The following DAB2IP variants were observed in gnomAD, a reference collection of about 807,000 sequenced individuals.
DAB2IP encodes the protein disabled homolog 2-interacting protein.
In DAB2IP, 28 loss-of-function variants were observed where a neutral mutation model predicts 107.2. The observed-to-expected ratio is 0.26, with a 90% CI of 0.19 to 0.36. The LOEUF (loss-of-function observed/expected upper bound fraction) is 0.36. Ranked by LOEUF, DAB2IP falls within the 10% of genes least tolerant of loss-of-function variation. DAB2IP has a pLI of 1.00. For missense variants in DAB2IP, 1,400 were observed against 1,644.7 expected (o/e 0.85, Z 2.57); for synonymous variants, 755 against 706.4 (o/e 1.07, Z -1.09).
chr9:121,653,077 C>T (rs752249274), intron 1 of DAB2IP, among the ~76,000 whole-genome samples: 14 of 152,184 alleles, frequency 9.2e-5, no homozygotes, highest in East Asian at 7.7e-4. Context: ...AGCCTGCAAT[C>T]CCCCCACTCC....
intron 1 of DAB2IP, among the ~76,000 whole-genome samples, chr9:121,590,839 T>A (rs1488041355): frequency 3.9e-5 from 6 of 152,170 alleles, no homozygotes; most frequent in Non-Finnish European, 7.4e-5. Context: ...AAACCAGGCA[T>A]GATCCCTGTG....
rs183516596 is a variant in DAB2IP at position 121,725,078 on chromosome 9, C to A, written c.362+25620C>A. On this transcript the variant is annotated intron_variant, in intron 3 of 15. Coordinates refer to ENST00000408936, the Ensembl canonical transcript of DAB2IP. ...CAGGCTTCTTGTGCTGGCTTTGGTT[C>A]CTGGCACGATTTCTGTTTCCCAGAG... is the stretch of plus-strand genomic sequence containing the variant. Among the ~76,000 whole-genome samples the A allele has an allele frequency of 9.8e-5, 15 of 152,320 alleles. No individual in the cohort carries two copies. In the East Asian group the frequency reaches 1.7e-3, roughly 18 times the overall value.
chr9:121,616,938 A>G (rs1022617097), intron 1 of DAB2IP, among the ~76,000 whole-genome samples: 1 of 152,222 alleles, frequency 6.6e-6, no homozygotes. Context: ...AGGGCTGGCC[A>G]GGGCACCTGG....
intron 3 of DAB2IP, among the ~76,000 whole-genome samples, chr9:121,717,091 G>A (rs910223376): frequency 2.6e-5 from 4 of 152,202 alleles, no homozygotes; most frequent in African/African-American, 9.7e-5. Flanking sequence ...GGGCAGCCCC[G>A]GGGGAATCTT....
At chr9:121,758,127 T>A (rs912223127) in intron 4 of DAB2IP, among the ~76,000 whole-genome samples, 1 of 152,170 alleles carries the variant, frequency 6.6e-6, no homozygotes, top group Non-Finnish European at 1.5e-5. Flanking sequence ...CTGTGGAGGG[T>A]GCAGGCCCTC....
intron 1 of DAB2IP, among the ~76,000 whole-genome samples, chr9:121,600,120 G>A (rs1830643577): frequency 6.6e-6 from 1 of 152,048 alleles, no homozygotes; most frequent in Admixed American, 6.5e-5. Flanking sequence ...GGGGGTGGGG[G>A]GTGCCAGCCT....
In DAB2IP at chr9:121,725,982, AT is replaced by A. The variant is rs560244058; in HGVS notation, c.362+26527del. Among the ~76,000 whole-genome samples, 345 of 152,240 alleles carry A rather than the reference AT, an allele frequency of 2.3e-3. 2 individuals carry two copies. The highest frequency in any genetic ancestry group is 8.1e-3 in the African/African-American group (336 of 41,540). On this transcript the variant is annotated intron_variant, in intron 3 of 15. Coordinates refer to ENST00000408936, the Ensembl canonical transcript of DAB2IP. ...TGTGACACTGGGAAATATATACAGTATTTGGTTTCTTGGCACACGACTCCTG... is the reference window on the plus strand; with the variant it reads ...TGTGACACTGGGAAATATATACAGTATTGGTTTCTTGGCACACGACTCCTG...
intron 6 of DAB2IP, among the ~76,000 whole-genome samples, chr9:121,761,021 C>T (rs1346114241): frequency 4.6e-5 from 7 of 152,198 alleles, no homozygotes; most frequent in African/African-American, 1.4e-4. Context: ...GTCTGAGACC[C>T]ACCCAGGCAA....
chr9:121,619,606 A>T (rs2118991898), intron 1 of DAB2IP, among the ~76,000 whole-genome samples: 1 of 152,302 alleles, frequency 6.6e-6, no homozygotes, highest in Admixed American at 6.5e-5. Flanking sequence ...CTGAAAGAGG[A>T]GATGTTGGAA....
exon 12 of DAB2IP, chr9:121,773,347 T>C (rs776765033): frequency 8.4e-6 from 12 of 1,424,226 alleles, no homozygotes; most frequent in Non-Finnish European, 1.1e-5. Flanking sequence ...CCCAACCTGC[T>C]GAGCACCCTG....
chr9:121,602,637 G>A (rs1271954698), intron 1 of DAB2IP, among the ~76,000 whole-genome samples: 2 of 152,082 alleles, frequency 1.3e-5, no homozygotes, highest in Non-Finnish European at 2.9e-5. Flanking sequence ...GTGCAGTGGC[G>A]TGATCTCGGC....
chr9:121,681,032 C>G (rs1828571927), intron 2 of DAB2IP, among the ~76,000 whole-genome samples: 1 of 152,074 alleles, frequency 6.6e-6, no homozygotes, highest in African/African-American at 2.4e-5. Context: ...CATGAGCCAC[C>G]ACGCCCAGCC....
At chr9:121,675,860 G>A (rs1833881005) in intron 1 of DAB2IP, among the ~76,000 whole-genome samples, 1 of 152,210 alleles carries the variant, frequency 6.6e-6, no homozygotes, top group Non-Finnish European at 1.5e-5. Context: ...TGGGTGGTGC[G>A]AAGGGGTGAG....
At chr9:121,708,713 A>C (rs1310163474) in intron 3 of DAB2IP, among the ~76,000 whole-genome samples, 1 of 152,224 alleles carries the variant, frequency 6.6e-6, no homozygotes, top group Non-Finnish European at 1.5e-5. Context: ...TTTACTTAGG[A>C]TTGAGCGAGC....
intron 3 of DAB2IP, among the ~76,000 whole-genome samples, chr9:121,734,427 C>T (rs966472834): frequency 6.6e-6 from 1 of 151,188 alleles, no homozygotes; most frequent in Non-Finnish European, 1.5e-5. Flanking sequence ...AGCCTGCAAG[C>T]GGTTATGCAG....
In DAB2IP at chr9:121,662,993, CAGAA is replaced by C. The variant is rs1285854968; in HGVS notation, c.124+11097_124+11100del. Among the ~76,000 whole-genome samples, 1 of 152,140 alleles carries C rather than the reference CAGAA, an allele frequency of 6.6e-6. No homozygotes were observed. The highest frequency in any genetic ancestry group is 1.5e-5 in the Non-Finnish European group (1 of 68,034). On this transcript the variant is annotated intron_variant, in intron 1 of 15. Transcript: ENST00000408936. This position sits in a 1 kb window ranked among gnomAD's most constrained non-coding sequence, Gnocchi z 4.6. ...GCCGACTCAAATTACTAGAAATCCT[CAGAA>C]AGTAAAAAAGGAAAAAGAAACTCAG...
chr9:121,783,658 G>C, exon 16 of DAB2IP: 2 of 1,375,696 alleles, frequency 1.5e-6, no homozygotes, highest in Middle Eastern at 4.9e-4. Context: ...CCCTCTCCAA[G>C]ACAGCAGCAG....
intron 3 of DAB2IP, among the ~76,000 whole-genome samples, chr9:121,705,579 A>C (rs939996190): frequency 7.2e-5 from 11 of 152,178 alleles, no homozygotes; most frequent in Non-Finnish European, 1.5e-4. Flanking sequence ...CCATGTGTAT[A>C]GTGTGTTCTG....
At chr9:121,737,268 T>G (rs2118879245) in intron 3 of DAB2IP, 3 of 985,480 alleles carry the variant, frequency 3.0e-6, no homozygotes, top group Middle Eastern at 1.0e-3. Flanking sequence ...GTTTCTCGTC[T>G]TCTTGGACCT....
Sources: gnomAD v4.1 joint callset for allele counts (sites outside exome capture counted in the v4.1 genomes callset) on GRCh38, gnomAD v4.1.1 for gene constraint, Gnocchi (gnomAD v3.1) non-coding constraint, MANE v1.5 for transcripts, NCBI Gene and HGNC (gene_info 2026-07-23, HGNC 2026-07-21) for gene names.